TCEANC2: variants seen among roughly 807,000 people sequenced by gnomAD.
TCEANC2 encodes the protein transcription elongation factor A N-terminal and central domain-containing protein 2.
Under a neutral mutation model 22.8 loss-of-function variants are expected in TCEANC2, and 20 were observed. The ratio of observed to expected loss-of-function variants is 0.88; its 90% CI spans 0.62 to 1.28. The LOEUF (loss-of-function observed/expected upper bound fraction) is 1.28, where lower values mean the gene tolerates loss of function less well. Ranked by LOEUF, TCEANC2 falls within the 50% of genes most tolerant of loss-of-function variation. The probability of loss-of-function intolerance (pLI) is 0.00; values close to 1 mark genes in which losing one functional copy is unlikely to be tolerated. For missense variants in TCEANC2, 251 were observed against 249.7 expected (o/e 1.01, Z -0.03); for synonymous variants, 84 against 95.5 (o/e 0.88, Z 0.70).
chr1:54,072,283 C>T (rs919444454), intron 3 of TCEANC2, among the ~76,000 whole-genome samples: 1 of 152,108 alleles, frequency 6.6e-6, no homozygotes, highest in African/African-American at 2.4e-5. Flanking sequence ...AGATACGTAT[C>T]TTCCAAGTCA....
At chr1:54,065,317 G>A (rs919274375) in intron 2 of TCEANC2, among the ~76,000 whole-genome samples, 4 of 152,186 alleles carry the variant, frequency 2.6e-5, no homozygotes, top group Admixed American at 2.6e-4. Flanking sequence ...ATATGAAAGA[G>A]AAAAGTACAT....
intron 3 of TCEANC2, among the ~76,000 whole-genome samples, chr1:54,082,621 C>T (rs901053767): frequency 6.6e-6 from 1 of 152,002 alleles, no homozygotes; most frequent in Non-Finnish European, 1.5e-5. Flanking sequence ...AGGAGCAGGC[C>T]AGCCAGCATG....
intron 4 of TCEANC2, among the ~76,000 whole-genome samples, chr1:54,094,179 T>C (rs1658501700): frequency 6.6e-6 from 1 of 152,238 alleles, no homozygotes; most frequent in Non-Finnish European, 1.5e-5. Flanking sequence ...GGCAGATATC[T>C]GGGCCTGGAT....
intron 4 of TCEANC2, among the ~76,000 whole-genome samples, chr1:54,090,958 TA>T (rs1486742474): frequency 1.3e-5 from 2 of 152,202 alleles, no homozygotes; most frequent in Non-Finnish European, 2.9e-5. Flanking sequence ...GTTTATCCAT[TA>T]ATTATCCTTT....
rs1379246685 is a variant in TCEANC2, at chr1:54,104,807, G to A, written c.*8334G>A. The A allele has an allele frequency of 2.5e-6, 1 of 400,474 alleles. No homozygotes were observed. The highest frequency in any genetic ancestry group is 5.0e-6 in the Non-Finnish European group (1 of 198,502). The allele number at this position is 400,474 out of a possible 1,614,324, so 24.8% of individuals were successfully genotyped here. A position where few individuals can be genotyped will look rare whatever the true frequency, so the allele number is the denominator to read the frequency against. On this transcript the variant is annotated 3_prime_UTR_variant, in exon 5 of 5. Coordinates refer to ENST00000234827, the MANE Select transcript of TCEANC2 (RefSeq NM_153035.3). Reference sequence around the variant, plus strand: ...TCCACCTGCCTCAGCTTCCCAAAGTGCTGGGATTACAGGCGTGAGCCACTG... The same window carrying A: ...TCCACCTGCCTCAGCTTCCCAAAGTACTGGGATTACAGGCGTGAGCCACTG...
chr1:54,093,208 C>G (rs868720980), intron 4 of TCEANC2, among the ~76,000 whole-genome samples: 2 of 152,134 alleles, frequency 1.3e-5, no homozygotes, highest in Non-Finnish European at 1.5e-5. Context: ...TATCCTCATT[C>G]CCATTCATAC....
Position 54,102,484 on chromosome 1 carries a change from T to C in TCEANC2, c.*6011T>C, listed in dbSNP as rs1056459339. 1 of 152,208 alleles carries C rather than the reference T, an allele frequency of 6.6e-6. No individual in the cohort carries two copies. Among genetic ancestry groups the C allele is most frequent in the Non-Finnish European group, 1.5e-5 (1 of 68,038 alleles). 9.4% of individuals were successfully genotyped at this position (152,208 alleles called of 1,614,324 possible). A position where few individuals can be genotyped will look rare whatever the true frequency, so the allele number is the denominator to read the frequency against. On this transcript the variant is annotated 3_prime_UTR_variant, in exon 5 of 5. Coordinates refer to ENST00000234827, the MANE Select transcript of TCEANC2 (RefSeq NM_153035.3). ...ATCAAGTTGACCATGTGACCAAAGC[T>C]GTTCATCATGAGCTGGATTCTGCCA...
At chr1:54,063,536 A>C (rs976218885) in intron 2 of TCEANC2, among the ~76,000 whole-genome samples, 1 of 152,182 alleles carries the variant, frequency 6.6e-6, no homozygotes, top group Non-Finnish European at 1.5e-5. Context: ...CTAGATTACT[A>C]TACAGGTTGA....
At chr1:54,094,815 G>A (rs1271152496) in intron 4 of TCEANC2, among the ~76,000 whole-genome samples, 1 of 152,102 alleles carries the variant, frequency 6.6e-6, no homozygotes, top group Non-Finnish European at 1.5e-5. Context: ...TATTTTCAAG[G>A]AATTTTCTAC....
At chr1:54,059,157 T>C (rs1362828352) in intron 2 of TCEANC2, among the ~76,000 whole-genome samples, 5 of 140,792 alleles carry the variant, frequency 3.6e-5, no homozygotes, top group Non-Finnish European at 7.4e-5. Flanking sequence ...GTTTTCTTTT[T>C]TTTTTTTTTT....
In TCEANC2 at chr1:54,097,400, C is replaced by A; in HGVS notation, c.*927C>A. 6.6e-6 allele frequency: 1 copy of A among 151,594 alleles called. No homozygotes were observed. The highest frequency in any genetic ancestry group is 2.1e-4 in the South Asian group (1 of 4,814). The allele number at this position is 151,594 out of a possible 1,614,324, so 9.4% of individuals were successfully genotyped here. A position where few individuals can be genotyped will look rare whatever the true frequency, so the allele number is the denominator to read the frequency against. ...TTGGTGAAATTTAAAAATGATGGAA[C>A]AAGGATTTGAGGAATGTAGAAGACT... On this transcript the variant is annotated 3_prime_UTR_variant, in exon 5 of 5. Transcript: ENST00000234827.
chr1:54,056,083 T>A (rs1407953643), intron 2 of TCEANC2, among the ~76,000 whole-genome samples: 2 of 152,208 alleles, frequency 1.3e-5, no homozygotes, highest in African/African-American at 2.4e-5. Context: ...AAACTCTAGA[T>A]GATCTTTAAA....
At chr1:54,055,104 A>C (rs1657724442) in intron 2 of TCEANC2, among the ~76,000 whole-genome samples, 1 of 152,162 alleles carries the variant, frequency 6.6e-6, no homozygotes, top group South Asian at 2.1e-4. Flanking sequence ...CAGCCTCCCA[A>C]GTAGCTGGGA....
At chr1:54,091,693 A>G (rs1427491587) in intron 4 of TCEANC2, among the ~76,000 whole-genome samples, 1 of 152,152 alleles carries the variant, frequency 6.6e-6, no homozygotes, top group Admixed American at 6.5e-5. Flanking sequence ...TAAAAACTCC[A>G]TCGTTGAAAC....
At position 54,096,413 on chromosome 1, in the gene TCEANC2, G is replaced by A. The variant is rs757547762; in HGVS notation, c.567G>A (p.Arg189=). ...VFTLKHRAEI[R]AQVKSGSLPV... is the part of the protein sequence containing the mutation. Reference sequence around the variant, plus strand: ...CATTAAAGCACCGAGCTGAAATCCGGGCTCAGGTGAAGAGCGGCTCGCTGC... The same window carrying A: ...CATTAAAGCACCGAGCTGAAATCCGAGCTCAGGTGAAGAGCGGCTCGCTGC... Residue 189 remains arginine (R), a synonymous_variant, in exon 5 of 5, where the codon CGG becomes CGA. Coordinates refer to ENST00000234827, the MANE Select transcript of TCEANC2 (RefSeq NM_153035.3). The surrounding 1 kb of genome is among the most constrained non-coding windows in gnomAD (Gnocchi z 4.9). The A allele has an allele frequency of 8.1e-6, 13 of 1,613,368 alleles. No individual in the cohort carries two copies. The African/African-American group carries it at 1.5e-4, about 18-fold the overall frequency.
intron 3 of TCEANC2, among the ~76,000 whole-genome samples, chr1:54,086,735 G>A (rs1362013266): frequency 6.6e-6 from 1 of 152,062 alleles, no homozygotes; most frequent in Non-Finnish European, 1.5e-5. Context: ...TTATGCTTTA[G>A]GAAAAAAGTC....
chr1:54,066,284 A>G (rs368309345), intron 2 of TCEANC2, among the ~76,000 whole-genome samples: 4 of 152,288 alleles, frequency 2.6e-5, no homozygotes, highest in South Asian at 4.1e-4. Flanking sequence ...AAAAAAATAG[A>G]TTAAAGAAAA....
intron 2 of TCEANC2, among the ~76,000 whole-genome samples, chr1:54,063,352 C>T (rs1196985266): frequency 6.6e-6 from 1 of 152,176 alleles, no homozygotes; most frequent in African/African-American, 2.4e-5. Flanking sequence ...TAGAACCACA[C>T]TCTTATTACC....
chr1:54,090,136 CA>C, intron 4 of TCEANC2: 1 of 482,676 alleles, frequency 2.1e-6, no homozygotes, highest in Middle Eastern at 6.3e-4. Flanking sequence ...GTTTAAAAAA[CA>C]GCTCGTAGTT....
Sources: allele counts gnomAD v4.1 joint callset (sites outside exome capture counted in the v4.1 genomes callset), GRCh38; gene constraint gnomAD v4.1.1; non-coding constraint Gnocchi (gnomAD v3.1); transcripts MANE v1.5; gene names NCBI Gene and HGNC (gene_info 2026-07-23, HGNC 2026-07-21).